The following SATB2 variants were observed in gnomAD, a reference collection of about 807,000 sequenced individuals.
The protein encoded by SATB2 is SATB homeobox 2.
Under a neutral mutation model 73.4 loss-of-function variants are expected in SATB2, and 1 was observed. The observed-to-expected ratio is 0.01, with a 90% CI of 0.00 to 0.06. The LOEUF (loss-of-function observed/expected upper bound fraction) is 0.06, where lower values mean the gene tolerates loss of function less well. SATB2 is among the 10% of genes least tolerant of loss of function. The pLI is 1.00. For synonymous variants in SATB2, 397 were observed against 367.0 expected, an observed-to-expected ratio of 1.08 and a Z score of -0.93; for missense variants, 459 against 945.8, an observed-to-expected ratio of 0.49 and a Z score of 6.75.
intron 7 of SATB2, among the ~76,000 whole-genome samples, chr2:199,333,952 G>C (rs1463773720): frequency 6.6e-6 from 1 of 152,128 alleles, no homozygotes; most frequent in Non-Finnish European, 1.5e-5. Flanking sequence ...GCTAGAGACT[G>C]TTTTCCTTTC....
upstream of SATB2, among the ~76,000 whole-genome samples, chr2:199,465,646 T>A (rs1003593649): frequency 6.6e-6 from 1 of 152,258 alleles, no homozygotes; most frequent in Non-Finnish European, 1.5e-5. Flanking sequence ...TCTGCGGAGT[T>A]GCTGGCACCT....
Position 199,348,803 on chromosome 2 carries a change from G to A in SATB2, c.1071C>T (p.Ser357=), listed in dbSNP as rs148055910. Residue 357 remains serine, a synonymous_variant, in exon 7 of 11, where the codon TCC becomes TCT. Transcript: ENST00000417098. ...GGTAGATATCTGGAGAGACTTCCAC[G>A]GAAGAGTTGGTTGGCTCTGGCTTAA... ...RAVKPEPTNS[S]VEVSPDIYQQ... 9.1e-5 allele frequency: 146 copies of A among 1,612,388 alleles called. No individual in the cohort carries two copies. In the African/African-American group the frequency reaches 1.1e-3, roughly 12 times the overall value.
intron 3 of SATB2, among the ~76,000 whole-genome samples, chr2:199,387,277 C>T (rs553151825): frequency 3.7e-4 from 57 of 152,290 alleles, no homozygotes; most frequent in African/African-American, 1.2e-3. Context: ...GATGTACCCA[C>T]GTCCAAGCGC....
At chr2:199,273,538 T>C (rs1692220059) in intron 10 of SATB2, among the ~76,000 whole-genome samples, 1 of 152,192 alleles carries the variant, frequency 6.6e-6, no homozygotes, top group Admixed American at 6.5e-5. Flanking sequence ...TTCTTTTAGT[T>C]CTAGTTTTGA....
chr2:199,443,391 T>C (rs1691875734), intron 2 of SATB2, among the ~76,000 whole-genome samples: 1 of 152,086 alleles, frequency 6.6e-6, no homozygotes, highest in South Asian at 2.1e-4. Flanking sequence ...AGTGGGAATA[T>C]TTCATAGCAC....
chr2:199,321,876 G>A (rs1417545252), intron 9 of SATB2, among the ~76,000 whole-genome samples: 1 of 151,970 alleles, frequency 6.6e-6, no homozygotes, highest in Non-Finnish European at 1.5e-5. Flanking sequence ...TTGTCCCAGT[G>A]AAAAAGGAAC....
chr2:199,295,315 T>C (rs1692996760), intron 10 of SATB2, among the ~76,000 whole-genome samples: 3 of 151,506 alleles, frequency 2.0e-5, no homozygotes, highest in Admixed American at 2.0e-4. Flanking sequence ...GTTTTGTTTA[T>C]AAAAAATAAA....
In SATB2 at chr2:199,464,312, C is replaced by T. The variant is rs1315354248; in HGVS notation, c.-141+524G>A. On this transcript the variant is annotated intron_variant, in intron 1 of 11. Transcript: ENST00000260926. The surrounding 1 kb of genome is among the most constrained non-coding windows in gnomAD (Gnocchi z 6.6). ...GCATCGCCTCGCGCGGTCCCGGAGC[C>T]ACATCCGGACTTGGGAACCCCGTGT... Among the ~76,000 whole-genome samples, 1 of 152,184 alleles carries T rather than the reference C, an allele frequency of 6.6e-6. No individual in the cohort carries two copies. The highest frequency in any genetic ancestry group is 6.5e-5 in the Admixed American group (1 of 15,282).
chr2:199,366,372 G>A (rs1188809830), intron 6 of SATB2, among the ~76,000 whole-genome samples: 1 of 151,992 alleles, frequency 6.6e-6, no homozygotes, highest in Non-Finnish European at 1.5e-5. Flanking sequence ...AACTCCCACA[G>A]CAACATCTAT....
chr2:199,348,610 A>T, intron 7 of SATB2, 91 bp downstream of exon 7: 2 of 1,011,384 alleles, frequency 2.0e-6, no homozygotes, highest in Non-Finnish European at 3.0e-6. Context: ...TGAGATCCAT[A>T]AAGCTTTTTA....
chr2:199,389,956 C>T (rs745664433), intron 3 of SATB2, among the ~76,000 whole-genome samples: 6 of 151,496 alleles, frequency 4.0e-5, no homozygotes, highest in South Asian at 4.2e-4. Flanking sequence ...TACAATTTTG[C>T]GGCATAAAGA....
At chr2:199,283,924 T>G (rs1692609455) in intron 10 of SATB2, among the ~76,000 whole-genome samples, 2 of 152,210 alleles carry the variant, frequency 1.3e-5, no homozygotes, top group Admixed American at 6.5e-5. Context: ...ATTGTTGGAC[T>G]TGAAAGCTGA....
At chr2:199,337,230 A>G (rs1362282369) in intron 7 of SATB2, among the ~76,000 whole-genome samples, 1 of 152,220 alleles carries the variant, frequency 6.6e-6, no homozygotes, top group Non-Finnish European at 1.5e-5. Context: ...GAAAAATGTA[A>G]TAAATTATAT....
In SATB2 at chr2:199,455,311, AACAGC is replaced by A. The variant is rs1692240635; in HGVS notation, c.169+553_169+557del. Among the ~76,000 whole-genome samples, 2 of 152,230 alleles carry A rather than the reference AACAGC, an allele frequency of 1.3e-5. No individual in the cohort carries two copies. Among genetic ancestry groups the A allele is most frequent in the Non-Finnish European group, 2.9e-5 (2 of 68,046 alleles). ...ATGCATATGACTAAACTTTATAGAC[AACAGC>A]AGCATTTAAGCTTCTAAGGGCCTGA... On this transcript the variant is annotated intron_variant, in intron 2 of 10. Coordinates refer to ENST00000417098, the MANE Select transcript of SATB2 (RefSeq NM_001172509.2). The surrounding 1 kb of genome is among the most constrained non-coding windows in gnomAD (Gnocchi z 4.1).
chr2:199,369,117 C>T (rs1344999315), intron 5 of SATB2, among the ~76,000 whole-genome samples: 2 of 152,132 alleles, frequency 1.3e-5, no homozygotes, highest in South Asian at 2.1e-4. Flanking sequence ...TGAGAACATC[C>T]GTGCTACACA....
intron 3 of SATB2, among the ~76,000 whole-genome samples, chr2:199,427,901 A>G (rs1489556024): frequency 2.6e-5 from 4 of 152,172 alleles, no homozygotes; most frequent in Non-Finnish European, 5.9e-5. Context: ...ACATTGAAAA[A>G]TATATAATAA....
chr2:199,330,463 C>T (rs1032325713), intron 7 of SATB2, among the ~76,000 whole-genome samples: 6 of 152,062 alleles, frequency 3.9e-5, no homozygotes, highest in Admixed American at 6.6e-5. Flanking sequence ...CTTTTGTGTG[C>T]GTCTGTGTCT....
At chr2:199,297,148 T>C (rs1193549092) in intron 10 of SATB2, among the ~76,000 whole-genome samples, 5 of 152,246 alleles carry the variant, frequency 3.3e-5, no homozygotes, top group African/African-American at 1.2e-4. Context: ...ATTAAATGGT[T>C]ATATACATTG....
intron 3 of SATB2, among the ~76,000 whole-genome samples, chr2:199,390,252 G>T (rs1470940762): frequency 6.6e-6 from 1 of 152,098 alleles, no homozygotes. Context: ...TTGGTGTTTA[G>T]TTATTTATTT....
Sources: gnomAD v4.1 joint callset for allele counts (sites outside exome capture counted in the v4.1 genomes callset) on GRCh38, gnomAD v4.1.1 for gene constraint, Gnocchi (gnomAD v3.1) non-coding constraint, MANE v1.5 for transcripts, NCBI Gene and HGNC (gene_info 2026-07-23, HGNC 2026-07-21) for gene names.